DNAH10: variants seen among roughly 807,000 people sequenced by gnomAD.
DNAH10 encodes the protein dynein axonemal heavy chain 10.
A neutral mutation model predicts 506.6 loss-of-function variants in DNAH10; 348 were observed. That is an observed-to-expected ratio of 0.69 (90% CI 0.63 to 0.75). The LOEUF (loss-of-function observed/expected upper bound fraction) is 0.75. Ranked by LOEUF, DNAH10 falls within the 30% of genes least tolerant of loss-of-function variation. DNAH10 has a pLI of 0.00. For missense variants in DNAH10, 5,179 were observed against 5,787.1 expected, an observed-to-expected ratio of 0.89 and a Z score of 3.41; for synonymous variants, 2,059 against 2,198.6, an observed-to-expected ratio of 0.94 and a Z score of 1.78.
chr12:123,887,048 C>G, intron 51 of DNAH10, 94 bp from the exon 52 acceptor site: 1 of 1,448,366 alleles, frequency 6.9e-7, no homozygotes, highest in South Asian at 1.4e-5. Context: ...AGACCCACGC[C>G]CTCTGCACTC....
At chr12:123,835,556 T>C in intron 28 of DNAH10, 28 bp downstream of exon 28, 1 of 1,598,138 alleles carries the variant, frequency 6.3e-7, no homozygotes, top group South Asian at 1.1e-5. Context: ...ATTTTAGTAA[T>C]GAAAGAAGGG....
intron 23 of DNAH10, 33 bp downstream of exon 23, chr12:123,819,283 T>A: frequency 6.6e-7 from 1 of 1,520,592 alleles, no homozygotes; most frequent in Non-Finnish European, 9.1e-7. Flanking sequence ...TACTGAGCGA[T>A]CTGAGTAGCA....
At chr12:123,832,425 G>A (rs759983945) in intron 26 of DNAH10, among the ~76,000 whole-genome samples, 14 of 151,960 alleles carry the variant, frequency 9.2e-5, no homozygotes, top group Non-Finnish European at 1.9e-4. Flanking sequence ...TATACACACA[G>A]TGTACACAAT....
At chr12:123,908,722 C>T (rs572597954) in intron 57 of DNAH10, among the ~76,000 whole-genome samples, 12 of 152,286 alleles carry the variant, frequency 7.9e-5, no homozygotes, top group African/African-American at 1.4e-4. Context: ...AACACAATTA[C>T]GGGGCAACAT....
rs1958287056 is a variant in DNAH10, at chr12:123,796,654, A to T, written c.1987-2A>T. On this transcript the variant is annotated splice_acceptor_variant, in intron 12 of 78. Coordinates refer to ENST00000673944, the MANE Select transcript of DNAH10 (RefSeq NM_001372106.1). LOFTEE classifies it high-confidence loss of function. ...TACAGAAGCTGTTTGATTGCTTTTC[A>T]GATTGACATCATTAATAAAATCTTT... is the stretch of plus-strand genomic sequence containing the variant. 3 of 1,594,446 alleles carry T rather than the reference A, an allele frequency of 1.9e-6. No homozygotes were observed. Among genetic ancestry groups the T allele is most frequent in the Non-Finnish European group, 2.6e-6 (3 of 1,170,462 alleles).
intron 19 of DNAH10, among the ~76,000 whole-genome samples, chr12:123,809,225 C>T (rs1958832387): frequency 6.6e-6 from 1 of 152,212 alleles, no homozygotes; most frequent in African/African-American, 2.4e-5. Flanking sequence ...TACTTCCCAT[C>T]TGTCCTCTTC....
rs1024097218 is a variant in DNAH10 at position 123,928,668 on chromosome 12, C to A, written c.12306+81C>A. 5 of 1,446,988 alleles carry A rather than the reference C, an allele frequency of 3.5e-6. No homozygotes were observed. In the Admixed American group the frequency reaches 6.4e-5, roughly 19 times the overall value. 89.6% of individuals were successfully genotyped at this position (1,446,988 alleles called of 1,614,324 possible). On this transcript the variant is annotated intron_variant, in intron 70 of 78. Transcript: ENST00000673944. The surrounding 1 kb of genome is among the most constrained non-coding windows in gnomAD (Gnocchi z 4.9). Reference sequence around the variant, plus strand: ...CATGCTGCTCTGGGGCCGGGGTGTGCCTTTGTCTGTGTAGAAATAAACCTT... The same window carrying A: ...CATGCTGCTCTGGGGCCGGGGTGTGACTTTGTCTGTGTAGAAATAAACCTT...
At chr12:123,838,420 C>G (rs1369353321) in intron 28 of DNAH10, 36 bp from the exon 29 acceptor site, 11 of 1,575,190 alleles carry the variant, frequency 7.0e-6, no homozygotes, top group Non-Finnish European at 9.5e-6. Flanking sequence ...TCTCCCTGCT[C>G]ACCCTGCTTG....
At chr12:123,830,452 C>T in intron 25 of DNAH10, 94 bp from the exon 26 acceptor site, 1 of 1,367,206 alleles carries the variant, frequency 7.3e-7, no homozygotes, top group Admixed American at 2.4e-5. Context: ...AAGAAGTTTA[C>T]AAAATGAGAT....
intron 58 of DNAH10, 132 bp from the exon 59 acceptor site, chr12:123,910,404 C>G: frequency 8.4e-7 from 1 of 1,190,378 alleles, no homozygotes; most frequent in South Asian, 1.5e-5. Flanking sequence ...CGCTGTTGGC[C>G]GTAGGAGAGC....
At chr12:123,839,732 C>T (rs1211253021) in intron 29 of DNAH10, among the ~76,000 whole-genome samples, 1 of 148,456 alleles carries the variant, frequency 6.7e-6, no homozygotes, top group East Asian at 2.0e-4. Flanking sequence ...GCGCGATCTC[C>T]ACTCACTGCA....
chr12:123,926,944 C>T lies in DNAH10; in HGVS notation c.12105+124C>T, dbSNP rs944512319. 1 of 1,078,062 alleles carries T rather than the reference C, an allele frequency of 9.3e-7. No homozygotes were observed. Among genetic ancestry groups the T allele is most frequent in the Non-Finnish European group, 1.3e-6 (1 of 757,614 alleles). 66.8% of individuals were successfully genotyped at this position (1,078,062 alleles called of 1,614,324 possible). A position where few individuals can be genotyped will look rare whatever the true frequency, so the allele number is the denominator to read the frequency against. On this transcript the variant is annotated intron_variant, in intron 69 of 78. Coordinates refer to ENST00000673944, the MANE Select transcript of DNAH10 (RefSeq NM_001372106.1). The surrounding 1 kb of genome is among the most constrained non-coding windows in gnomAD (Gnocchi z 4.1). ...CAAATCAGTTGGATGCATTTCCGAG[C>T]TAAGAAGCAGTAATGAAACACTGGG...
At position 123,771,623 on chromosome 12, in the gene DNAH10, C is replaced by G. The variant is rs371494368; in HGVS notation, c.321C>G (p.Thr107=). 1 of 1,613,578 alleles carries G rather than the reference C, an allele frequency of 6.2e-7. No homozygotes were observed. The highest frequency in any genetic ancestry group is 1.7e-5 in the Admixed American group (1 of 59,948). The change falls in exon 3 of 79, where the codon ACC becomes ACG. Residue 107 remains threonine, a synonymous_variant. Transcript: ENST00000673944. ...CAGCTAAGCGTGTGTCACTGAGAAC[C>G]GAATCTCTAGGCCAACCTCTAAACA... ...KVRAKRVSLR[T]ESLGQPLNRE... is the part of the protein sequence containing the mutation.
chr12:123,901,042 C>T (rs1338532297), intron 56 of DNAH10, among the ~76,000 whole-genome samples: 1 of 152,210 alleles, frequency 6.6e-6, no homozygotes, highest in Non-Finnish European at 1.5e-5. Flanking sequence ...GGAGTGCAAA[C>T]AATCCTCTCT....
chr12:123,848,920 A>G (rs776173494), intron 34 of DNAH10, 38 bp downstream of exon 34: 1 of 1,605,854 alleles, frequency 6.2e-7, no homozygotes, highest in Non-Finnish European at 8.5e-7. Context: ...TGTCCCTAGG[A>G]TGGAAGTTTG....
intron 48 of DNAH10, among the ~76,000 whole-genome samples, chr12:123,878,115 GAGAAGC>G (rs1207645483): frequency 6.6e-6 from 1 of 152,216 alleles, no homozygotes; most frequent in African/African-American, 2.4e-5. Flanking sequence ...GCAAAACCAA[GAGAAGC>G]AGAAGTGGGG....
intron 11 of DNAH10, 39 bp from the exon 12 acceptor site, chr12:123,793,903 T>A: frequency 8.9e-7 from 1 of 1,129,070 alleles, no homozygotes; most frequent in Non-Finnish European, 1.1e-6. Context: ...GCAGGATAAT[T>A]ACAGGGGCAT....
chr12:123,762,534 G>T lies in DNAH10; in HGVS notation c.198G>T (p.Glu66Asp). 6.4e-7 allele frequency: 1 copy of T among 1,558,404 alleles called. No homozygotes were observed. ...TCTACCGCACTATGGTGCCGGAGGAGGTGGAGGTGGAGATTGGTGAGCCTC... is the reference window on the plus strand; with the variant it reads ...TCTACCGCACTATGGTGCCGGAGGATGTGGAGGTGGAGATTGGTGAGCCTC... ...LFIYRTMVPEEVEVEIDEIPV... is the reference protein window; with the variant it reads ...LFIYRTMVPEDVEVEIDEIPV... Residue 66 changes from glutamate (E) to aspartate (D), a missense_variant, in exon 1 of 79, where the codon GAG becomes GAT. Transcript: ENST00000673944. This position sits in a 1 kb window ranked among gnomAD's most constrained non-coding sequence, Gnocchi z 5.0.
chr12:123,796,741 A>G lies in DNAH10; in HGVS notation c.2072A>G (p.Tyr691Cys). 2.5e-6 allele frequency: 4 copies of G among 1,614,066 alleles called. No homozygotes were observed. Among genetic ancestry groups the G allele is most frequent in the Non-Finnish European group, 3.4e-6 (4 of 1,179,990 alleles). ...KNHPPVAGAI[Y>C]WERSLFFRIK... is the part of the protein sequence containing the mutation. ...CACCCTCCAGTAGCAGGTGCAATAT[A>G]CTGGGAACGATCTCTGTTCTTTCGG... Residue 691 changes from tyrosine (Y) to cysteine (C), a missense_variant, in exon 13 of 79, where the codon TAC (tyrosine) becomes TGC (cysteine). Around this residue, in one of 3 missense-constraint regions of DNAH10, gnomAD observed 4,844 missense variants for 5,430.5 expected, o/e 0.89. Coordinates refer to ENST00000673944, the MANE Select transcript of DNAH10 (RefSeq NM_001372106.1).
Sources: gnomAD v4.1 joint callset for allele counts (sites outside exome capture counted in the v4.1 genomes callset) on GRCh38, gnomAD v4.1.1 for gene constraint, gnomAD v4.1.1 regional missense constraint, Gnocchi (gnomAD v3.1) non-coding constraint, MANE v1.5 for transcripts, NCBI Gene and HGNC (gene_info 2026-07-23, HGNC 2026-07-21) for gene names.